Variants in SETX observed in about 807,000 individuals in gnomAD.
SETX encodes senataxin, also known as helicase senataxin.
A neutral mutation model predicts 227.2 loss-of-function variants in SETX; 90 were observed. The ratio of observed to expected loss-of-function variants is 0.40; its 90% CI spans 0.33 to 0.47. SETX has a LOEUF of 0.47. Among genes scored for constraint, SETX ranks in the 20% least tolerant of loss-of-function variants. The pLI is 0.91. For missense variants in SETX, 3,052 were observed against 3,181.5 expected, an observed-to-expected ratio of 0.96 and a Z score of 0.98; for synonymous variants, 1,210 against 1,113.2, an observed-to-expected ratio of 1.09 and a Z score of -1.73.
intron 24 of SETX, 130 bp downstream of exon 24, chr9:132,271,580 C>T: frequency 3.8e-6 from 3 of 798,198 alleles, no homozygotes; most frequent in Non-Finnish European, 6.6e-6. Flanking sequence ...CATAGTATTA[C>T]ACAGGTTTTC....
At position 132,271,675 on chromosome 9, in the gene SETX, A is replaced by G. The variant is rs1419304000; in HGVS notation, c.7199+35T>C. ...GAACTATAAACAAGCAACAATGTAT[A>G]CAAGTATAAAAGAGCAACAATGACA... On this transcript the variant is annotated intron_variant, in intron 24 of 25. Coordinates refer to ENST00000224140, the MANE Select transcript of SETX (RefSeq NM_015046.7). The G allele has an allele frequency of 2.0e-6, 3 of 1,503,740 alleles. No homozygotes were observed. In the East Asian group the frequency reaches 6.8e-5, roughly 34 times the overall value. The allele number at this position is 1,503,740 out of a possible 1,614,324, so 93.1% of individuals were successfully genotyped here.
chr9:132,285,037 C>T (rs998775548), intron 18 of SETX, among the ~76,000 whole-genome samples: 7 of 152,088 alleles, frequency 4.6e-5, no homozygotes, highest in Non-Finnish European at 8.8e-5. Context: ...CACCACCACG[C>T]CCAGCTAATT....
chr9:132,269,578 T>C, intron 25 of SETX, 37 bp downstream of exon 25: 2 of 1,611,974 alleles, frequency 1.2e-6, no homozygotes, highest in Non-Finnish European at 1.7e-6. Flanking sequence ...CCAACAACAG[T>C]AACAATGGGT....
At chr9:132,267,970 A>G (rs1330882037) in intron 25 of SETX, among the ~76,000 whole-genome samples, 1 of 152,252 alleles carries the variant, frequency 6.6e-6, no homozygotes, top group Non-Finnish European at 1.5e-5. Flanking sequence ...AGGCATCACT[A>G]AAAGATGTAT....
intron 10 of SETX, among the ~76,000 whole-genome samples, chr9:132,321,029 A>G (rs1342553838): frequency 1.3e-5 from 2 of 152,188 alleles, no homozygotes; most frequent in African/African-American, 4.8e-5. Flanking sequence ...GCAGTCTCTG[A>G]CCTTGAGGAC....
chr9:132,337,448 AC>A (rs1216199574), intron 5 of SETX, among the ~76,000 whole-genome samples: 27 of 151,534 alleles, frequency 1.8e-4, no homozygotes, highest in Non-Finnish European at 2.7e-4. Flanking sequence ...AAAAAAAAAA[AC>A]AAGAACAGAA....
intron 4 of SETX, among the ~76,000 whole-genome samples, chr9:132,345,507 C>T (rs541131628): frequency 6.6e-6 from 1 of 152,340 alleles, no homozygotes; most frequent in African/African-American, 2.4e-5. Flanking sequence ...CTCCTGACCT[C>T]AGGTGCTCTG....
At position 132,317,824 on chromosome 9, in the gene SETX, T is replaced by C. The variant is rs145652486; in HGVS notation, c.5275-5968A>G. 3.4e-3 allele frequency among the ~76,000 whole-genome samples: 513 copies of C among 152,236 alleles called. 4 individuals are homozygous for C. Among genetic ancestry groups the C allele is most frequent in the African/African-American group, 0.012 (483 of 41,524 alleles). On this transcript the variant is annotated intron_variant, in intron 10 of 25. Transcript: ENST00000224140. ...TTTTTTTTATTTCTGGCAGGTAACA[T>C]TGTTCCTGGAACTTATGATTTTAAA...
intron 11 of SETX, among the ~76,000 whole-genome samples, chr9:132,306,990 C>G (rs1217326633): frequency 6.6e-6 from 1 of 152,228 alleles, no homozygotes; most frequent in Non-Finnish European, 1.5e-5. Flanking sequence ...CATGGTGGCT[C>G]ACGCCTGTAA....
At chr9:132,315,894 T>C (rs1845936872) in intron 10 of SETX, among the ~76,000 whole-genome samples, 1 of 152,194 alleles carries the variant, frequency 6.6e-6, no homozygotes, top group Non-Finnish European at 1.5e-5. Flanking sequence ...ACAGCTGTGT[T>C]AGTATAACCG....
rs753534448 is a variant in SETX at position 132,278,063 on chromosome 9, A to T, written c.6842+7T>A. 12 of 1,611,982 alleles carry T rather than the reference A, an allele frequency of 7.4e-6. No homozygotes were observed. Among genetic ancestry groups the T allele is most frequent in the Non-Finnish European group, 1.0e-5 (12 of 1,178,262 alleles). ...AAATAAGGTCACAAACAATAAGGGG[A>T]ACTCACCTATTTGTTTTTAAGTTTC... On this transcript the variant is annotated splice_region_variant and intron_variant, in intron 21 of 25. Transcript: ENST00000224140.
At chr9:132,296,318 C>T (rs1301878894) in intron 14 of SETX, among the ~76,000 whole-genome samples, 1 of 152,086 alleles carries the variant, frequency 6.6e-6, no homozygotes, top group Non-Finnish European at 1.5e-5. Context: ...TTCGGGAGGC[C>T]GAGGCGGGCG....
At chr9:132,350,977 T>C (rs1431747110) in intron 2 of SETX, among the ~76,000 whole-genome samples, 1 of 152,200 alleles carries the variant, frequency 6.6e-6, no homozygotes, top group Non-Finnish European at 1.5e-5. Context: ...CTCAATTACA[T>C]TTTATTAATG....
In SETX at chr9:132,264,989, G is replaced by T; in HGVS notation, c.7288-4C>A. 6.2e-7 allele frequency: 1 copy of T among 1,612,582 alleles called. No homozygotes were observed. Among genetic ancestry groups the T allele is most frequent in the South Asian group, 1.1e-5 (1 of 91,006 alleles). On this transcript the variant is annotated splice_polypyrimidine_tract_variant and splice_region_variant and intron_variant, in intron 25 of 25. Coordinates refer to ENST00000224140, the MANE Select transcript of SETX (RefSeq NM_015046.7). ...GCTGATTCCAATGCTGGTTTTCCTT[G>T]AAACAATGAGAAGGGAGAAATAATT...
chr9:132,336,282 G>T lies in SETX; in HGVS notation c.718+14C>A, dbSNP rs762900574. 6.7e-5 allele frequency: 107 copies of T among 1,586,656 alleles called. No individual in the cohort carries two copies. In the Admixed American group the frequency reaches 1.8e-3, roughly 26 times the overall value. On this transcript the variant is annotated intron_variant, in intron 6 of 25. Coordinates refer to ENST00000224140, the MANE Select transcript of SETX (RefSeq NM_015046.7). ...CGAAAATACCAATTATATTAGTGTA[G>T]GAATAATACTCACCTAACCAATAGC...
intron 4 of SETX, among the ~76,000 whole-genome samples, chr9:132,344,833 C>T (rs573763104): frequency 6.8e-6 from 1 of 147,784 alleles, no homozygotes; most frequent in Admixed American, 6.8e-5. Context: ...CAAGATCCTG[C>T]CACTGCACTC....
At chr9:132,299,444 C>A (rs1355369522) in intron 12 of SETX, among the ~76,000 whole-genome samples, 1 of 152,158 alleles carries the variant, frequency 6.6e-6, no homozygotes, top group Admixed American at 6.5e-5. Context: ...GCCATCAATC[C>A]TCACTGCAAC....
At chr9:132,278,686 T>C (rs957049765) in intron 20 of SETX, among the ~76,000 whole-genome samples, 1 of 152,112 alleles carries the variant, frequency 6.6e-6, no homozygotes, top group Non-Finnish European at 1.5e-5. Context: ...ATGAAAGAGA[T>C]ATGATCTTGT....
At chr9:132,356,083 G>A (rs73550514), upstream of SETX, among the ~76,000 whole-genome samples, 223 of 151,848 alleles carry the variant, frequency 1.5e-3, 1 homozygote, top group African/African-American at 5.1e-3. Flanking sequence ...CCGGGAGATC[G>A]AGACTGCAGT....
Sources: allele counts gnomAD v4.1 joint callset (sites outside exome capture counted in the v4.1 genomes callset), GRCh38; gene constraint gnomAD v4.1.1; transcripts MANE v1.5; gene names NCBI Gene and HGNC (gene_info 2026-07-23, HGNC 2026-07-21).